The following SH3RF3 variants were observed in gnomAD, a reference collection of about 807,000 sequenced individuals.
SH3RF3 encodes E3 ubiquitin-protein ligase SH3RF3.
In SH3RF3, 29 loss-of-function variants were observed where a neutral mutation model predicts 66.3. The observed-to-expected ratio is 0.44, with a 90% confidence interval of 0.33 to 0.60. SH3RF3 has a LOEUF of 0.60. Among genes scored for constraint, SH3RF3 ranks in the 20% least tolerant of loss-of-function variants. SH3RF3 has a pLI of 0.04. For synonymous variants in SH3RF3, 583 were observed against 532.0 expected (o/e 1.10, Z -1.32); for missense variants, 1,194 against 1,190.9 (o/e 1.00, Z -0.04).
At chr2:109,146,091 G>A (rs1021394769) in intron 1 of SH3RF3, among the ~76,000 whole-genome samples, 1 of 152,172 alleles carries the variant, frequency 6.6e-6, no homozygotes, top group Non-Finnish European at 1.5e-5. Flanking sequence ...GGTACCAGCT[G>A]AACAGTTAGA....
At chr2:109,293,835 G>A (rs571526370) in intron 1 of SH3RF3, among the ~76,000 whole-genome samples, 6 of 152,314 alleles carry the variant, frequency 3.9e-5, no homozygotes, top group African/African-American at 1.2e-4. Context: ...GCTGGGAGCC[G>A]CAGCCCAGGT....
intron 1 of SH3RF3, among the ~76,000 whole-genome samples, chr2:109,206,829 G>A (rs1678852327): frequency 6.6e-6 from 1 of 152,136 alleles, no homozygotes; most frequent in Non-Finnish European, 1.5e-5. Flanking sequence ...ACTTAACTCT[G>A]GCATTTGCTA....
chr2:109,132,537 C>T (rs1361392934), intron 1 of SH3RF3, among the ~76,000 whole-genome samples: 2 of 152,150 alleles, frequency 1.3e-5, no homozygotes, highest in South Asian at 2.1e-4. Context: ...AGTCAGTTAA[C>T]GATGCTGCCC....
At chr2:109,447,147 T>TAAAAAAAAAAAA (rs61240132) in intron 7 of SH3RF3, among the ~76,000 whole-genome samples, 6 of 82,652 alleles carry the variant, frequency 7.3e-5, no homozygotes, top group African/African-American at 1.5e-4. Context: ...CCTGAATATT[T>TAAAAAAAAAAAA]AAAAAAAAAA....
chr2:109,228,194 C>G (rs1679416370), intron 1 of SH3RF3, among the ~76,000 whole-genome samples: 1 of 152,170 alleles, frequency 6.6e-6, no homozygotes, highest in Non-Finnish European at 1.5e-5. Flanking sequence ...ATAATACTGT[C>G]AGAAATTCAA....
intron 4 of SH3RF3, among the ~76,000 whole-genome samples, chr2:109,403,667 G>A (rs570807049): frequency 6.6e-6 from 1 of 152,346 alleles, no homozygotes; most frequent in East Asian, 1.9e-4. Flanking sequence ...CAGGCTCAAT[G>A]CAGGGTGCTG....
In SH3RF3 at chr2:109,471,206, CAAAAAAAAAAAAAAA is replaced by C. The variant is rs61224177; in HGVS notation, c.2149-19388_2149-19374del. The stretch of plus-strand genomic sequence containing the variant: ...CCAGCCTGGGCGACAGACTCTGTCT[CAAAAAAAAAAAAAAA>C]AAAAAAAAAAGAAATTAATACCTGA... On this transcript the variant is annotated intron_variant, in intron 8 of 9. Transcript: ENST00000309415. 2.0e-4 allele frequency among the ~76,000 whole-genome samples: 8 copies of C among 40,166 alleles called. No homozygotes were observed. The East Asian group carries it at 5.9e-3, about 29-fold the overall frequency. The allele number at this position is 40,166 out of a possible 152,430, so 26.4% of individuals were successfully genotyped here. A position where few individuals can be genotyped will look rare whatever the true frequency, so the allele number is the denominator to read the frequency against.
intron 6 of SH3RF3, among the ~76,000 whole-genome samples, chr2:109,436,228 C>G (rs1203774682): frequency 6.6e-6 from 1 of 152,220 alleles, no homozygotes; most frequent in Non-Finnish European, 1.5e-5. Flanking sequence ...TTCCAAACCC[C>G]TAACTCTGCC....
At chr2:109,398,294 G>A (rs1355048078) in intron 3 of SH3RF3, among the ~76,000 whole-genome samples, 1 of 152,182 alleles carries the variant, frequency 6.6e-6, no homozygotes, top group Non-Finnish European at 1.5e-5. Context: ...GTGCATCCCA[G>A]AAATGGCCAG....
intron 1 of SH3RF3, among the ~76,000 whole-genome samples, chr2:109,193,887 G>A (rs1211356167): frequency 6.6e-6 from 1 of 152,192 alleles, no homozygotes. Flanking sequence ...CCGTTTACAG[G>A]GTTTGGCAGG....
intron 1 of SH3RF3, among the ~76,000 whole-genome samples, chr2:109,236,741 C>G (rs1302561902): frequency 6.6e-6 from 1 of 152,176 alleles, no homozygotes; most frequent in Non-Finnish European, 1.5e-5. Flanking sequence ...TGGACTGTTT[C>G]CTGTTTGCAA....
At chr2:109,418,741 G>A (rs1347533236) in intron 4 of SH3RF3, among the ~76,000 whole-genome samples, 1 of 152,164 alleles carries the variant, frequency 6.6e-6, no homozygotes, top group Non-Finnish European at 1.5e-5. Context: ...AGGTACACAG[G>A]TCAGACCCTT....
intron 8 of SH3RF3, among the ~76,000 whole-genome samples, chr2:109,457,846 C>A (rs892668676): frequency 2.0e-5 from 3 of 152,252 alleles, no homozygotes; most frequent in African/African-American, 7.2e-5. Context: ...GAAGGTAATG[C>A]CCACACATCA....
At chr2:109,485,981 A>G (rs552749641) in intron 8 of SH3RF3, among the ~76,000 whole-genome samples, 1 of 152,366 alleles carries the variant, frequency 6.6e-6, no homozygotes, top group East Asian at 1.9e-4. Flanking sequence ...AGCCAGCCAG[A>G]CAGCTCAGGT....
At chr2:109,421,577 CTCT>C (rs917158674) in intron 5 of SH3RF3, among the ~76,000 whole-genome samples, 3 of 152,214 alleles carry the variant, frequency 2.0e-5, no homozygotes, top group African/African-American at 7.2e-5. Flanking sequence ...GTGGAGGGAC[CTCT>C]TCTTCACCCA....
rs370907525 is a variant in SH3RF3 at position 109,373,443 on chromosome 2, G to A, written c.945+1762G>A. Among the ~76,000 whole-genome samples the A allele has an allele frequency of 2.1e-4, 32 of 152,304 alleles. No homozygotes were observed. In the South Asian group the frequency reaches 6.6e-3, roughly 32 times the overall value. On this transcript the variant is annotated intron_variant, in intron 3 of 9. Coordinates refer to ENST00000309415, the MANE Select transcript of SH3RF3 (RefSeq NM_001099289.3). The stretch of plus-strand genomic sequence containing the variant: ...CAGTGGGATGGCTGAGGAAAATGCA[G>A]TATATCCATACAATGGAACGCTCTC...
At chr2:109,177,810 ATTTG>A (rs1185936807) in intron 1 of SH3RF3, among the ~76,000 whole-genome samples, 1 of 152,230 alleles carries the variant, frequency 6.6e-6, no homozygotes, top group African/African-American at 2.4e-5. Flanking sequence ...AGACAAGGCA[ATTTG>A]TTTGATTTAT....
At chr2:109,441,041 A>G (rs1677548196) in intron 7 of SH3RF3, among the ~76,000 whole-genome samples, 1 of 151,946 alleles carries the variant, frequency 6.6e-6, no homozygotes, top group East Asian at 1.9e-4. Context: ...ATTTCACCCA[A>G]CAGAGCTCAA....
intron 1 of SH3RF3, among the ~76,000 whole-genome samples, chr2:109,204,526 A>G (rs1038526942): frequency 6.6e-6 from 1 of 152,176 alleles, no homozygotes; most frequent in Admixed American, 6.6e-5. Context: ...CATTGTACAT[A>G]TATTTGTGTG....
Sources: gnomAD v4.1 joint callset for allele counts (sites outside exome capture counted in the v4.1 genomes callset) on GRCh38, gnomAD v4.1.1 for gene constraint, MANE v1.5 for transcripts, NCBI Gene and HGNC (gene_info 2026-07-23, HGNC 2026-07-21) for gene names.